CLCN5: variants seen among roughly 807,000 people sequenced by gnomAD.
CLCN5 encodes the protein Cl-/H+ antiporter 5, also known as H(+)/Cl(-) exchange transporter 5.
A neutral mutation model predicts 54.0 loss-of-function variants in CLCN5; 17 were observed. The observed-to-expected ratio is 0.31, with a 90% CI of 0.22 to 0.47. The LOEUF is 0.47. Among genes scored for constraint, CLCN5 ranks in the 20% least tolerant of loss-of-function variants. The pLI, the probability that CLCN5 is intolerant of heterozygous loss-of-function variation, is 1.00. For missense variants in CLCN5, 448 were observed against 646.7 expected (o/e 0.69, Z 3.33); for synonymous variants, 222 against 233.0 (o/e 0.95, Z 0.43).
chrX:49,999,483 A>G (rs1415518586), intron 3 of CLCN5, among the ~76,000 whole-genome samples: 1 of 108,915 alleles, frequency 9.2e-6, no homozygotes, highest in East Asian at 2.9e-4. Flanking sequence ...TGGCTCTGGC[A>G]CAGGCACATG....
intron 3 of CLCN5, among the ~76,000 whole-genome samples, chrX:50,041,073 A>G (rs1222468162): frequency 8.9e-6 from 1 of 112,267 alleles, no homozygotes; most frequent in Non-Finnish European, 1.9e-5. Context: ...CCCAGTGCCT[A>G]GAAATTGACA....
chrX:49,959,731 A>G (rs1421927583), intron 3 of CLCN5, among the ~76,000 whole-genome samples: 1 of 111,051 alleles, frequency 9.0e-6, no homozygotes, highest in African/African-American at 3.3e-5. Context: ...ACTTGCTCTC[A>G]TTCTATGAGA....
At chrX:50,050,187 T>C (rs1932529257) in intron 4 of CLCN5, 1 of 112,212 alleles carries the variant, frequency 8.9e-6, no homozygotes, top group South Asian at 3.7e-4. Context: ...TATGTGGATA[T>C]AAATTTTCAA....
intron 4 of CLCN5, chrX:50,050,245 A>T (rs1433676216): frequency 8.9e-6 from 1 of 111,765 alleles, no homozygotes; most frequent in African/African-American, 3.3e-5. Flanking sequence ...TCATATGGTA[A>T]CACTATGTTT....
intron 3 of CLCN5, among the ~76,000 whole-genome samples, chrX:50,034,301 T>C (rs180781711): frequency 8.2e-4 from 92 of 112,038 alleles, no homozygotes; most frequent in African/African-American, 2.8e-3. Flanking sequence ...TATGTGTGTG[T>C]CAGCTCCTAT....
rs782627833 is a variant in CLCN5, at chrX:50,086,906, G to A, written c.1557+36G>A. 42 of 1,165,183 alleles carry A rather than the reference G, an allele frequency of 3.6e-5. No homozygotes were observed. In the Admixed American group the frequency reaches 5.9e-4, roughly 16 times the overall value. ...CTTTTGGGACTCAGTGGCTGCATGC[G>A]TAGCTGTGGGTTTTGGAGGGCAGAG... On this transcript the variant is annotated intron_variant, in intron 11 of 14. Transcript: ENST00000376091.
At chrX:49,924,742 G>A (rs782030509) in intron 2 of CLCN5, among the ~76,000 whole-genome samples, 1 of 111,160 alleles carries the variant, frequency 9.0e-6, no homozygotes, top group Non-Finnish European at 1.9e-5. Context: ...CCCTATACAA[G>A]ATCTGTTTCC....
intron 3 of CLCN5, among the ~76,000 whole-genome samples, chrX:50,019,468 CTT>C (rs1175073117): frequency 1.9e-3 from 90 of 47,676 alleles, no homozygotes; most frequent in African/African-American, 5.0e-3. Context: ...TTTTTTTTTT[CTT>C]TTTTTTTTTT....
chrX:50,050,884 C>G (rs7876903), intron 4 of CLCN5, among the ~76,000 whole-genome samples: 12,198 of 109,598 alleles, frequency 0.11, 1,717 homozygotes, highest in African/African-American at 0.39. Flanking sequence ...GGATGGTCTC[C>G]ATCTCCTGAC....
chrX:49,951,043 C>T (rs1927021250), intron 3 of CLCN5, among the ~76,000 whole-genome samples: 1 of 111,728 alleles, frequency 9.0e-6, no homozygotes, highest in African/African-American at 3.3e-5. Context: ...ACTACCCTTC[C>T]CATTCTCTGG....
intron 4 of CLCN5, among the ~76,000 whole-genome samples, chrX:50,063,033 C>A (rs1557190191): frequency 9.1e-6 from 1 of 110,449 alleles, no homozygotes; most frequent in African/African-American, 3.4e-5. Flanking sequence ...ATTTATAGCA[C>A]TAAATGCGCA....
In CLCN5 at chrX:50,090,132, G is replaced by C; in HGVS notation, c.1761G>C (p.Met587Ile). 1 of 1,211,253 alleles carries C rather than the reference G, an allele frequency of 8.3e-7. No homozygotes were observed. Among genetic ancestry groups the C allele is most frequent in the Non-Finnish European group, 1.1e-6 (1 of 895,243 alleles). The change falls in exon 13 of 15, where the codon ATG becomes ATC. Residue 587 changes from methionine to isoleucine, a missense_variant. Coordinates refer to ENST00000376091, the MANE Select transcript of CLCN5 (RefSeq NM_001127898.4). ...TCTTTGCAGGTGGGGTGACTCGGAT[G>C]ACTGTTTCTCTTGTTGTCATAATGT... ...AAACLGGVTR[M>I]TVSLVVIMFE...
chrX:50,003,056 A>G, intron 3 of CLCN5: 1 of 304,418 alleles, frequency 3.3e-6, no homozygotes. Flanking sequence ...ACACAAGCAC[A>G]CCTTCTCATT....
At chrX:50,083,707 A>T (rs1557193517) in intron 9 of CLCN5, among the ~76,000 whole-genome samples, 1 of 112,229 alleles carries the variant, frequency 8.9e-6, no homozygotes, top group African/African-American at 3.2e-5. Context: ...AAAAAAATAG[A>T]ATCATAAAAC....
Position 50,049,705 on chromosome X carries a change from A to G in CLCN5, c.163+7243A>G, listed in dbSNP as rs375849903. 1.5e-3 allele frequency among the ~76,000 whole-genome samples: 165 copies of G among 112,094 alleles called. No homozygotes were observed. In the South Asian group the frequency reaches 0.043, roughly 29 times the overall value. On this transcript the variant is annotated intron_variant, in intron 4 of 14. Transcript: ENST00000376091. ...TCTATCCTGGGATCTTCAGTCTCCT[A>G]AATGATTTTTTTAATTTGCATACAT...
At chrX:49,940,973 C>T (rs941368947) in intron 3 of CLCN5, among the ~76,000 whole-genome samples, 4 of 111,824 alleles carry the variant, frequency 3.6e-5, no homozygotes. Context: ...GCCTCAGTTC[C>T]TATCTGCTAT....
intron 3 of CLCN5, among the ~76,000 whole-genome samples, chrX:50,002,007 C>T (rs1196212849): frequency 9.0e-6 from 1 of 110,659 alleles, no homozygotes; most frequent in Non-Finnish European, 1.9e-5. Context: ...GTCTTCTTAC[C>T]TCACAAGCCT....
intron 3 of CLCN5, among the ~76,000 whole-genome samples, chrX:49,952,422 A>G (rs781944677): frequency 3.6e-5 from 4 of 110,934 alleles, no homozygotes; most frequent in South Asian, 7.5e-4. Flanking sequence ...ACCTGGAAAG[A>G]AAAGAACCTA....
At chrX:50,014,467 A>G (rs1471874642) in intron 3 of CLCN5, 2 of 253,509 alleles carry the variant, frequency 7.9e-6, no homozygotes, top group African/African-American at 3.0e-5. Flanking sequence ...GGGCCACAAC[A>G]TGGGACTTCT....
Sources: allele counts gnomAD v4.1 joint callset (sites outside exome capture counted in the v4.1 genomes callset), GRCh38; gene constraint gnomAD v4.1.1; transcripts MANE v1.5; gene names NCBI Gene and HGNC (gene_info 2026-07-23, HGNC 2026-07-21).